MACO1: variants seen among roughly 807,000 people sequenced by gnomAD.
The protein encoded by MACO1 is macoilin 1, also known as macoilin.
A neutral mutation model predicts 78.7 loss-of-function variants in MACO1; 14 were observed. That is an observed-to-expected ratio of 0.18 (90% CI 0.12 to 0.28). The LOEUF is 0.28. Ranked by LOEUF, MACO1 falls within the 10% of genes least tolerant of loss-of-function variation. The probability of loss-of-function intolerance (pLI) is 1.00; values close to 1 mark genes in which losing one functional copy is unlikely to be tolerated. For synonymous variants in MACO1, 288 were observed against 291.6 expected (o/e 0.99, Z 0.12); for missense variants, 501 against 799.0 (o/e 0.63, Z 4.50).
In MACO1 at chr1:25,485,340, T is replaced by G. The variant is rs1325519750; in HGVS notation, c.1314-273T>G. Among the ~76,000 whole-genome samples the G allele has an allele frequency of 1.3e-5, 2 of 152,220 alleles. No homozygotes were observed. The highest frequency in any genetic ancestry group is 2.9e-5 in the Non-Finnish European group (2 of 68,042). The stretch of plus-strand genomic sequence containing the variant: ...CCTCTGTTCAAAATTTGTTTTACCC[T>G]GTTTTCTGGATGACCTTTTGTAGAT... On this transcript the variant is annotated intron_variant, in intron 7 of 10. Transcript: ENST00000374343. The surrounding 1 kb of genome is among the most constrained non-coding windows in gnomAD (Gnocchi z 4.3).
At chr1:25,477,561 A>G (rs1056653534) in intron 6 of MACO1, among the ~76,000 whole-genome samples, 2 of 152,218 alleles carry the variant, frequency 1.3e-5, no homozygotes, top group African/African-American at 4.8e-5. Flanking sequence ...ATGGGGTCCA[A>G]CCTGCAGCCC....
At position 25,485,875 on chromosome 1, in the gene MACO1, G is replaced by A; in HGVS notation, c.1496+80G>A. 6.7e-7 allele frequency: 1 copy of A among 1,485,246 alleles called. No homozygotes were observed. The allele number at this position is 1,485,246 out of a possible 1,614,324, so 92.0% of individuals were successfully genotyped here. The stretch of plus-strand genomic sequence containing the variant: ...AAGACATGGGAATTTGGTGCCTTGG[G>A]CAGGATTGGACGTACAGCAATCATG... On this transcript the variant is annotated intron_variant, in intron 8 of 10. Coordinates refer to ENST00000374343, the MANE Select transcript of MACO1 (RefSeq NM_018202.6). The surrounding 1 kb of genome is among the most constrained non-coding windows in gnomAD (Gnocchi z 4.3).
At chr1:25,475,192 A>G (rs1213439136) in intron 6 of MACO1, among the ~76,000 whole-genome samples, 1 of 151,960 alleles carries the variant, frequency 6.6e-6, no homozygotes, top group Non-Finnish European at 1.5e-5. Flanking sequence ...AAAATACAAA[A>G]AAATTAGCCG....
chr1:25,488,396 T>G (rs942721506), intron 8 of MACO1, among the ~76,000 whole-genome samples: 1 of 152,114 alleles, frequency 6.6e-6, no homozygotes, highest in African/African-American at 2.4e-5. Flanking sequence ...CACAGAGAAC[T>G]GAGCAGACTG....
At chr1:25,490,173 A>G (rs1042829128) in intron 9 of MACO1, among the ~76,000 whole-genome samples, 12 of 152,182 alleles carry the variant, frequency 7.9e-5, no homozygotes, top group African/African-American at 2.9e-4. Context: ...AAATCATAAT[A>G]ATAAATGAAA....
chr1:25,437,332 G>C (rs981648118), intron 1 of MACO1, among the ~76,000 whole-genome samples: 2 of 117,452 alleles, frequency 1.7e-5, no homozygotes, highest in Non-Finnish European at 3.4e-5. Flanking sequence ...GCGTTTTTGC[G>C]TTTTTATAAA....
chr1:25,473,521 A>G (rs2043293253), intron 6 of MACO1, among the ~76,000 whole-genome samples: 2 of 152,236 alleles, frequency 1.3e-5, no homozygotes, highest in African/African-American at 4.8e-5. Flanking sequence ...CCGAGAGTTC[A>G]TTCTATCAAA....
At chr1:25,446,942 A>G in intron 2 of MACO1, 39 bp downstream of exon 2, 1 of 1,596,330 alleles carries the variant, frequency 6.3e-7, no homozygotes, top group South Asian at 1.1e-5. Context: ...TGTGGGGACC[A>G]TTCAGCTGTT....
rs755939615 is a variant in MACO1 at position 25,465,782 on chromosome 1, G to A, written c.1154+6890G>A. Among the ~76,000 whole-genome samples the A allele has an allele frequency of 1.6e-3, 242 of 152,140 alleles. 1 individual carries two copies. Among genetic ancestry groups the A allele is most frequent in the Non-Finnish European group, 2.4e-3 (161 of 68,004 alleles). Reference sequence around the variant, plus strand: ...CCTCCTTCTACCCCCTCGTCTTTCCGAGTCTGCATTGTCTATCATTCAACT... The same window carrying A: ...CCTCCTTCTACCCCCTCGTCTTTCCAAGTCTGCATTGTCTATCATTCAACT... On this transcript the variant is annotated intron_variant, in intron 6 of 10. Coordinates refer to ENST00000374343, the MANE Select transcript of MACO1 (RefSeq NM_018202.6).
intron 10 of MACO1, among the ~76,000 whole-genome samples, chr1:25,496,292 T>C (rs757639609): frequency 1.3e-5 from 2 of 152,004 alleles, no homozygotes; most frequent in Non-Finnish European, 2.9e-5. Context: ...GGATTACAGG[T>C]GTGAACCACC....
At chr1:25,445,631 A>G (rs2043009376) in intron 1 of MACO1, among the ~76,000 whole-genome samples, 1 of 147,698 alleles carries the variant, frequency 6.8e-6, no homozygotes, top group Admixed American at 6.8e-5. Context: ...TTTTTCCTCC[A>G]AGTATGTAAG....
At chr1:25,453,350 T>C (rs1375302859) in intron 3 of MACO1, among the ~76,000 whole-genome samples, 2 of 150,856 alleles carry the variant, frequency 1.3e-5, no homozygotes, top group Non-Finnish European at 3.0e-5. Context: ...TTTATGTTTC[T>C]ATGGGGTAGA....
intron 2 of MACO1, among the ~76,000 whole-genome samples, chr1:25,447,762 T>G (rs967337903): frequency 6.6e-6 from 1 of 152,184 alleles, no homozygotes; most frequent in Non-Finnish European, 1.5e-5. Context: ...TGGAGGGATC[T>G]CAAAGACACC....
intron 10 of MACO1, among the ~76,000 whole-genome samples, chr1:25,495,512 G>C (rs919075161): frequency 1.2e-4 from 19 of 152,178 alleles, no homozygotes; most frequent in African/African-American, 4.6e-4. Context: ...GAGGGGGGCA[G>C]TTCCTTTCTA....
chr1:25,485,006 T>G lies in MACO1; in HGVS notation c.1314-607T>G, dbSNP rs1251975183. The stretch of plus-strand genomic sequence containing the variant: ...TGTAGAGAACATCCCAGTGATAAAC[T>G]CACCTCATGCTGATAGGTAAAGCTG... On this transcript the variant is annotated intron_variant, in intron 7 of 10. Transcript: ENST00000374343. This position sits in a 1 kb window ranked among gnomAD's most constrained non-coding sequence, Gnocchi z 4.3. Among the ~76,000 whole-genome samples the G allele has an allele frequency of 1.3e-5, 2 of 152,142 alleles. No individual in the cohort carries two copies. Among genetic ancestry groups the G allele is most frequent in the African/African-American group, 4.8e-5 (2 of 41,406 alleles).
chr1:25,494,609 C>T (rs2043518556), intron 10 of MACO1, among the ~76,000 whole-genome samples: 1 of 152,112 alleles, frequency 6.6e-6, no homozygotes, highest in Admixed American at 6.5e-5. Context: ...AGGGGTGAGA[C>T]TGAGTGGAGA....
chr1:25,489,383 T>C, intron 9 of MACO1, 90 bp downstream of exon 9: 1 of 1,413,906 alleles, frequency 7.1e-7, no homozygotes, highest in Non-Finnish European at 9.5e-7. Flanking sequence ...GATGATGCCT[T>C]TTAATATAGA....
At chr1:25,443,519 T>C (rs1302815545) in intron 1 of MACO1, among the ~76,000 whole-genome samples, 2 of 152,176 alleles carry the variant, frequency 1.3e-5, no homozygotes, top group Admixed American at 6.5e-5. Flanking sequence ...TCAAGGAACA[T>C]CAAAGGTATG....
chr1:25,440,057 T>C (rs1435032663), intron 1 of MACO1, among the ~76,000 whole-genome samples: 1 of 150,854 alleles, frequency 6.6e-6, no homozygotes, highest in African/African-American at 2.4e-5. Context: ...AGAGATTTGG[T>C]TTATATGGAT....
Sources: allele counts gnomAD v4.1 joint callset (sites outside exome capture counted in the v4.1 genomes callset), GRCh38; gene constraint gnomAD v4.1.1; non-coding constraint Gnocchi (gnomAD v3.1); transcripts MANE v1.5; gene names NCBI Gene and HGNC (gene_info 2026-07-23, HGNC 2026-07-21).